The following PLXNB2 variants were observed in gnomAD, a reference collection of about 807,000 sequenced individuals.
The protein encoded by PLXNB2 is plexin-B2.
In PLXNB2, 85 loss-of-function variants were observed where a neutral mutation model predicts 202.6. The ratio of observed to expected loss-of-function variants is 0.42; its 90% CI spans 0.35 to 0.50. The LOEUF is 0.50. Ranked by LOEUF, PLXNB2 falls within the 20% of genes least tolerant of loss-of-function variation. The probability of loss-of-function intolerance (pLI) is 0.02; values close to 1 mark genes in which losing one functional copy is unlikely to be tolerated. For synonymous variants in PLXNB2, 1,239 were observed against 1,137.6 expected, an observed-to-expected ratio of 1.09 and a Z score of -1.79; for missense variants, 2,063 against 2,586.2, an observed-to-expected ratio of 0.80 and a Z score of 4.39.
At position 50,291,670 on chromosome 22, in the gene PLXNB2, G is replaced by C. The variant is rs2066878314; in HGVS notation, c.-13-1073C>G. Among the ~76,000 whole-genome samples the C allele has an allele frequency of 6.6e-6, 1 of 152,068 alleles. No individual in the cohort carries two copies. Among genetic ancestry groups the C allele is most frequent in the African/African-American group, 2.4e-5 (1 of 41,386 alleles). On this transcript the variant is annotated intron_variant, in intron 2 of 36. Coordinates refer to ENST00000359337, the MANE Select transcript of PLXNB2 (RefSeq NM_012401.4). The surrounding 1 kb of genome is among the most constrained non-coding windows in gnomAD (Gnocchi z 4.3). Reference sequence around the variant, plus strand: ...CCTTCTGCCTCTGAGCTCTTCCTCAGGGTGGTCCGTCCCTCTCACGCTAGG... The same window carrying C: ...CCTTCTGCCTCTGAGCTCTTCCTCACGGTGGTCCGTCCCTCTCACGCTAGG...
rs1470059076 is a variant in PLXNB2, at chr22:50,275,111, C to T, written c.*593G>A. On this transcript the variant is annotated 3_prime_UTR_variant, in exon 37 of 37. Transcript: ENST00000359337. ...GGGCAGCCTGTCTGACAGACCAGGA[C>T]CCCAGGATGTCTGGGCCCCGACGTA... 3.8e-6 allele frequency: 1 copy of T among 260,224 alleles called. No homozygotes were observed. The highest frequency in any genetic ancestry group is 3.7e-5 in the South Asian group (1 of 27,300). The allele number at this position is 260,224 out of a possible 1,614,324, so 16.1% of individuals were successfully genotyped here. A position where few individuals can be genotyped will look rare whatever the true frequency, so the allele number is the denominator to read the frequency against.
rs887470797 is a variant in PLXNB2 at position 50,276,834 on chromosome 22, A to C, written c.5261+8T>G. On this transcript the variant is annotated splice_region_variant and intron_variant, in intron 34 of 36. Coordinates refer to ENST00000359337, the MANE Select transcript of PLXNB2 (RefSeq NM_012401.4). Reference sequence around the variant, plus strand: ...TGGGGGCCTGGCCTGGAGGGCAGGCAGACTTACTCCTCCACCATCTTCTTG... The same window carrying C: ...TGGGGGCCTGGCCTGGAGGGCAGGCCGACTTACTCCTCCACCATCTTCTTG... 2.4e-5 allele frequency: 38 copies of C among 1,606,448 alleles called. No homozygotes were observed. The highest frequency in any genetic ancestry group is 3.1e-5 in the Non-Finnish European group (37 of 1,175,326).
At chr22:50,307,273 CG>C (rs1376223805) in intron 1 of PLXNB2, among the ~76,000 whole-genome samples, 1 of 152,050 alleles carries the variant, frequency 6.6e-6, no homozygotes, top group Non-Finnish European at 1.5e-5. Flanking sequence ...GAGGCAGGCG[CG>C]GAGGAGGGAT....
intron 1 of PLXNB2, among the ~76,000 whole-genome samples, chr22:50,306,076 C>G (rs929334333): frequency 6.6e-6 from 1 of 152,242 alleles, no homozygotes; most frequent in African/African-American, 2.4e-5. Context: ...CAGCCTCCCG[C>G]TTCGGGTGAC....
intron 2 of PLXNB2, among the ~76,000 whole-genome samples, chr22:50,294,052 G>A (rs868472968): frequency 6.6e-6 from 1 of 152,234 alleles, no homozygotes; most frequent in Non-Finnish European, 1.5e-5. Context: ...GGAGCAAAGG[G>A]CAACCCACCG....
chr22:50,289,107 G>A lies in PLXNB2; in HGVS notation c.1104C>T (p.His368=). The A allele has an allele frequency of 1.3e-6, 2 of 1,587,878 alleles. No homozygotes were observed. Among genetic ancestry groups the A allele is most frequent in the Non-Finnish European group, 8.6e-7 (1 of 1,167,706 alleles). The change falls in exon 4 of 37, where the codon CAC becomes CAT. Residue 368 remains histidine (H), a synonymous_variant. Coordinates refer to ENST00000359337, the MANE Select transcript of PLXNB2 (RefSeq NM_012401.4). This position sits in a 1 kb window ranked among gnomAD's most constrained non-coding sequence, Gnocchi z 8.0. ...SSKSFPCGSE[H]LPYPLGSRDG... Reference sequence around the variant, plus strand: ...CGCGGCTGCCCAGCGGGTAGGGCAGGTGCTCCGAGCCACATGGGAAGCTCT... The same window carrying A: ...CGCGGCTGCCCAGCGGGTAGGGCAGATGCTCCGAGCCACATGGGAAGCTCT...
At chr22:50,285,329 C>T (rs2066357962) in intron 11 of PLXNB2, among the ~76,000 whole-genome samples, 1 of 81,186 alleles carries the variant, frequency 1.2e-5, no homozygotes, top group Non-Finnish European at 2.6e-5. Context: ...TGTCACCGGC[C>T]GGCACCCCTC....
chr22:50,296,193 TACACACACACACACACACAC>T (rs58616888), intron 1 of PLXNB2, among the ~76,000 whole-genome samples: 12 of 139,332 alleles, frequency 8.6e-5, no homozygotes, highest in Admixed American at 2.2e-4. Flanking sequence ...TCTCAAAAAA[TACACACACACACACACACAC>T]ACACACACAC....
intron 9 of PLXNB2, 30 bp downstream of exon 9, chr22:50,286,143 G>A: frequency 1.2e-6 from 2 of 1,610,300 alleles, no homozygotes; most frequent in Non-Finnish European, 1.7e-6. Context: ...TGGACGGGCA[G>A]GGTGGGGTCG....
At position 50,288,077 on chromosome 22, in the gene PLXNB2, C is replaced by CCGTGCGGCCTCT; in HGVS notation, c.1381-41_1381-40insAGAGGCCGCACG. 1 of 1,467,670 alleles carries CCGTGCGGCCTCT rather than the reference C, an allele frequency of 6.8e-7. No homozygotes were observed. The highest frequency in any genetic ancestry group is 9.3e-7 in the Non-Finnish European group (1 of 1,074,736). The allele number at this position is 1,467,670 out of a possible 1,614,324, so 90.9% of individuals were successfully genotyped here. A position where few individuals can be genotyped will look rare whatever the true frequency, so the allele number is the denominator to read the frequency against. On this transcript the variant is annotated intron_variant, in intron 5 of 36. Transcript: ENST00000359337. The surrounding 1 kb of genome is among the most constrained non-coding windows in gnomAD (Gnocchi z 5.0). ...CCGTGAGTGGGACCACAGCAGAGGC[C>CCGTGCGGCCTCT]GCACGGGCCTTCCGCAGACCCCAGA...
chr22:50,299,403 G>A (rs1347627782), intron 1 of PLXNB2, among the ~76,000 whole-genome samples: 1 of 152,176 alleles, frequency 6.6e-6, no homozygotes, highest in South Asian at 2.1e-4. Context: ...TGGCTGTCCC[G>A]GAACGGGGCG....
At chr22:50,290,897 C>T (rs2066823585) in intron 2 of PLXNB2, among the ~76,000 whole-genome samples, 1 of 152,162 alleles carries the variant, frequency 6.6e-6, no homozygotes, top group African/African-American at 2.4e-5. Flanking sequence ...GGCCTATCCC[C>T]GAGGCAAGGA....
chr22:50,277,649 G>A lies in PLXNB2; in HGVS notation c.5138C>T (p.Ser1713Leu), dbSNP rs764267512. ...ATCCATGAAGGTCTGCGCGATGACT[G>A]ACAGCGAGGCGTCCACCACCTCGTG... ...HVHEVVDASL[S>L]VIAQTFMDAC... The change falls in exon 33 of 37, where the codon TCA (serine) becomes TTA (leucine). Residue 1713 changes from serine (S) to leucine (L), a missense_variant. Ser to Leu is a moderately radical substitution (Grantham distance 145). Around this residue, in one of 2 missense-constraint regions of PLXNB2, gnomAD observed 760 missense variants for 1,109.4 expected, o/e 0.69. Transcript: ENST00000359337. The A allele has an allele frequency of 6.2e-7, 1 of 1,608,678 alleles. No homozygotes were observed. The highest frequency in any genetic ancestry group is 8.5e-7 in the Non-Finnish European group (1 of 1,177,082).
intron 1 of PLXNB2, among the ~76,000 whole-genome samples, chr22:50,300,492 A>C (rs928680264): frequency 3.3e-5 from 5 of 152,088 alleles, no homozygotes; most frequent in Non-Finnish European, 7.4e-5. Context: ...TCAAGGCCAG[A>C]CTCACCCGAG....
rs1009937385 is a variant in PLXNB2 at position 50,288,531 on chromosome 22, A to T, written c.1380+212T>A. ...GGTTGAGACCACAAAGGACAAACAGAAGGAGCGGCAGAGACGGGGCAGTGC... is the reference window on the plus strand; with the variant it reads ...GGTTGAGACCACAAAGGACAAACAGTAGGAGCGGCAGAGACGGGGCAGTGC... On this transcript the variant is annotated intron_variant, in intron 5 of 36. Transcript: ENST00000359337. This position sits in a 1 kb window ranked among gnomAD's most constrained non-coding sequence, Gnocchi z 5.0. Among the ~76,000 whole-genome samples the T allele has an allele frequency of 6.6e-6, 1 of 152,036 alleles. No homozygotes were observed. Among genetic ancestry groups the T allele is most frequent in the Non-Finnish European group, 1.5e-5 (1 of 67,996 alleles).
intron 27 of PLXNB2, 101 bp from the exon 28 acceptor site, chr22:50,279,112 C>T: frequency 7.7e-7 from 1 of 1,292,968 alleles, no homozygotes; most frequent in Non-Finnish European, 1.1e-6. Context: ...ACCACAGCGG[C>T]ACCCTTGGGC....
chr22:50,288,920 C>T lies in PLXNB2; in HGVS notation c.1251+40G>A, dbSNP rs200583586. 6.7e-4 allele frequency: 1,071 copies of T among 1,608,822 alleles called. No homozygotes were observed. The highest frequency in any genetic ancestry group is 8.3e-4 in the Non-Finnish European group (974 of 1,176,630). On this transcript the variant is annotated intron_variant, in intron 4 of 36. Transcript: ENST00000359337. This position sits in a 1 kb window ranked among gnomAD's most constrained non-coding sequence, Gnocchi z 5.0. Reference sequence around the variant, plus strand: ...TGAGGGTACGGGCCTTGTGCACAGACGGGCCCTCCAGAGCCTCCCCGCCCC... The same window carrying T: ...TGAGGGTACGGGCCTTGTGCACAGATGGGCCCTCCAGAGCCTCCCCGCCCC...
At position 50,289,180 on chromosome 22, in the gene PLXNB2, T is replaced by C. The variant is rs755799468; in HGVS notation, c.1069-38A>G. The C allele has an allele frequency of 2.0e-6, 3 of 1,499,912 alleles. No homozygotes were observed. The highest frequency in any genetic ancestry group is 2.5e-5 in the South Asian group (2 of 79,408). The allele number at this position is 1,499,912 out of a possible 1,614,324, so 92.9% of individuals were successfully genotyped here. A position where few individuals can be genotyped will look rare whatever the true frequency, so the allele number is the denominator to read the frequency against. On this transcript the variant is annotated intron_variant, in intron 3 of 36. Coordinates refer to ENST00000359337, the MANE Select transcript of PLXNB2 (RefSeq NM_012401.4). This position sits in a 1 kb window ranked among gnomAD's most constrained non-coding sequence, Gnocchi z 8.0. Reference sequence around the variant, plus strand: ...GCGTGTCAATGGCAGGCAGACCCCCTGTCCTGAAGGGCCCTCTCCACTCGC... The same window carrying C: ...GCGTGTCAATGGCAGGCAGACCCCCCGTCCTGAAGGGCCCTCTCCACTCGC...
rs1237782555 is a variant in PLXNB2 at position 50,291,505 on chromosome 22, G to A, written c.-13-908C>T. ...TGATGGGTGAGCTGCTGAGGACCAG[G>A]CTGAGCTGAGGGTCTCCCAATAGGA... On this transcript the variant is annotated intron_variant, in intron 2 of 36. Coordinates refer to ENST00000359337, the MANE Select transcript of PLXNB2 (RefSeq NM_012401.4). This position sits in a 1 kb window ranked among gnomAD's most constrained non-coding sequence, Gnocchi z 4.3. Among the ~76,000 whole-genome samples, 1 of 152,162 alleles carries A rather than the reference G, an allele frequency of 6.6e-6. No homozygotes were observed. The highest frequency in any genetic ancestry group is 1.5e-5 in the Non-Finnish European group (1 of 68,012).
Sources: allele counts gnomAD v4.1 joint callset (sites outside exome capture counted in the v4.1 genomes callset), GRCh38; gene constraint gnomAD v4.1.1; regional missense constraint gnomAD v4.1.1; non-coding constraint Gnocchi (gnomAD v3.1); transcripts MANE v1.5; gene names NCBI Gene and HGNC (gene_info 2026-07-23, HGNC 2026-07-21).